The following KREMEN1 variants were observed in gnomAD, a reference collection of about 807,000 sequenced individuals.
KREMEN1 encodes the protein kremen protein 1.
KREMEN1 carries 30 observed loss-of-function variants against 46.5 expected under a neutral mutation model. That is an observed-to-expected ratio of 0.65 (90% confidence interval 0.48 to 0.88). The LOEUF (loss-of-function observed/expected upper bound fraction) is 0.88. Among genes scored for constraint, KREMEN1 ranks in the 40% least tolerant of loss-of-function variants. The pLI, the probability that KREMEN1 is intolerant of heterozygous loss-of-function variation, is 0.00. For missense variants in KREMEN1, 533 were observed against 596.9 expected (o/e 0.89, Z 1.11); for synonymous variants, 214 against 230.6 (o/e 0.93, Z 0.65).
intron 5 of KREMEN1, among the ~76,000 whole-genome samples, chr22:29,136,856 C>T (rs909686069): frequency 6.6e-6 from 1 of 152,200 alleles, no homozygotes; most frequent in Non-Finnish European, 1.5e-5. Context: ...TGGGGACACA[C>T]AAGCAGCTGT....
At position 29,143,752 on chromosome 22, in the gene KREMEN1, A is replaced by C. The variant is rs1385735697; in HGVS notation, c.*1640A>C. 1 of 985,484 alleles carries C rather than the reference A, an allele frequency of 1.0e-6. No homozygotes were observed. Among genetic ancestry groups the C allele is most frequent in the African/African-American group, 1.7e-5 (1 of 57,162 alleles). The allele number at this position is 985,484 out of a possible 1,614,324, so 61.0% of individuals were successfully genotyped here. On this transcript the variant is annotated 3_prime_UTR_variant, in exon 9 of 9. Coordinates refer to ENST00000400335, the MANE Select transcript of KREMEN1 (RefSeq NM_001039570.3). ...GCAAGACTCTGTCTCAAAAAAAAAA[A>C]AAACACTCCAAGGGCCATCCGTGCT...
intron 1 of KREMEN1, among the ~76,000 whole-genome samples, chr22:29,078,674 A>G (rs1289341944): frequency 6.6e-6 from 1 of 152,222 alleles, no homozygotes; most frequent in Non-Finnish European, 1.5e-5. Flanking sequence ...CAAACATACC[A>G]AGTTGATTGT....
intron 2 of KREMEN1, among the ~76,000 whole-genome samples, chr22:29,098,553 G>C (rs1315231596): frequency 6.6e-6 from 1 of 152,152 alleles, no homozygotes; most frequent in Non-Finnish European, 1.5e-5. Flanking sequence ...TCACATTCAA[G>C]GTGCCAGTGC....
Position 29,125,738 on chromosome 22 carries a change from A to G in KREMEN1, c.631+322A>G, listed in dbSNP as rs1262874496. ...ATAGACACTAATATAACAATCCAGT[A>G]TCAGCTTTATTATACTCTTGCTTTA... On this transcript the variant is annotated intron_variant, in intron 5 of 8. Transcript: ENST00000400335. Among the ~76,000 whole-genome samples the G allele has an allele frequency of 2.6e-5, 4 of 152,180 alleles. 1 individual carries two copies. The highest frequency in any genetic ancestry group is 4.4e-5 in the Non-Finnish European group (3 of 68,042).
At chr22:29,140,993 C>T (rs1158765428) in intron 8 of KREMEN1, among the ~76,000 whole-genome samples, 1 of 152,148 alleles carries the variant, frequency 6.6e-6, no homozygotes, top group Non-Finnish European at 1.5e-5. Flanking sequence ...TCTGTCTTTC[C>T]GGTGCTTTCT....
intron 3 of KREMEN1, among the ~76,000 whole-genome samples, chr22:29,117,463 A>T (rs2038260618): frequency 6.6e-6 from 1 of 151,912 alleles, no homozygotes; most frequent in African/African-American, 2.4e-5. Flanking sequence ...GCTACTTGGG[A>T]GGCTGAGGCA....
At position 29,142,207 on chromosome 22, in the gene KREMEN1, C is replaced by T; in HGVS notation, c.*95C>T. ...GGTTCTTCTCTGACAGACTCTTCCC[C>T]TCCTCTCCCTCTGCCTCGGCCTCTT... is the stretch of plus-strand genomic sequence containing the variant. On this transcript the variant is annotated 3_prime_UTR_variant, in exon 9 of 9. Coordinates refer to ENST00000400335, the MANE Select transcript of KREMEN1 (RefSeq NM_001039570.3). 7.0e-7 allele frequency: 1 copy of T among 1,429,708 alleles called. No homozygotes were observed. The highest frequency in any genetic ancestry group is 9.2e-7 in the Non-Finnish European group (1 of 1,092,836). The allele number at this position is 1,429,708 out of a possible 1,614,324, so 88.6% of individuals were successfully genotyped here.
rs2145859693 is a variant in KREMEN1, at chr22:29,144,872, A to G, written c.*2760A>G. ...TGTCACAGCCTGCAGCGGGGGCAGC[A>G]CTTCCTCGGAGGGCCTGGGAGGTGC... On this transcript the variant is annotated 3_prime_UTR_variant, in exon 9 of 9. Transcript: ENST00000400335. 3.0e-6 allele frequency: 3 copies of G among 985,506 alleles called. No individual in the cohort carries two copies. Among genetic ancestry groups the G allele is most frequent in the Non-Finnish European group, 3.6e-6 (3 of 830,002 alleles). 61.0% of individuals were successfully genotyped at this position (985,506 alleles called of 1,614,324 possible).
intron 1 of KREMEN1, among the ~76,000 whole-genome samples, chr22:29,077,770 A>T (rs1322887437): frequency 6.6e-6 from 1 of 152,166 alleles, no homozygotes; most frequent in African/African-American, 2.4e-5. Flanking sequence ...TCACTGGTCT[A>T]GAAAAGGTGA....
chr22:29,109,386 A>C (rs1175706319), intron 3 of KREMEN1, among the ~76,000 whole-genome samples: 1 of 152,228 alleles, frequency 6.6e-6, no homozygotes, highest in Non-Finnish European at 1.5e-5. Context: ...TCTGAGTTAT[A>C]AACCTAAGAG....
At position 29,145,923 on chromosome 22, in the gene KREMEN1, C is replaced by G; in HGVS notation, c.*3811C>G. On this transcript the variant is annotated 3_prime_UTR_variant, in exon 9 of 9. Transcript: ENST00000400335. Reference sequence around the variant, plus strand: ...CCACCCACATGCCCCACTGTCAGCCCAGGCAGGAGCCTTCCTGGCCGGGCT... The same window carrying G: ...CCACCCACATGCCCCACTGTCAGCCGAGGCAGGAGCCTTCCTGGCCGGGCT... The G allele has an allele frequency of 6.1e-6, 6 of 985,942 alleles. No homozygotes were observed. Among genetic ancestry groups the G allele is most frequent in the Non-Finnish European group, 7.2e-6 (6 of 830,010 alleles). 61.1% of individuals were successfully genotyped at this position (985,942 alleles called of 1,614,324 possible). A position where few individuals can be genotyped will look rare whatever the true frequency, so the allele number is the denominator to read the frequency against.
chr22:29,143,892 G>A lies in KREMEN1; in HGVS notation c.*1780G>A. On this transcript the variant is annotated 3_prime_UTR_variant, in exon 9 of 9. Coordinates refer to ENST00000400335, the MANE Select transcript of KREMEN1 (RefSeq NM_001039570.3). Reference sequence around the variant, plus strand: ...CCCTTAGATAGGGAGGTGGGCTGCAGAGATTGGTGCCAGAAGAGGGTGGGT... The same window carrying A: ...CCCTTAGATAGGGAGGTGGGCTGCAAAGATTGGTGCCAGAAGAGGGTGGGT... The A allele has an allele frequency of 1.0e-6, 1 of 985,564 alleles. No individual in the cohort carries two copies. Among genetic ancestry groups the A allele is most frequent in the Non-Finnish European group, 1.2e-6 (1 of 830,012 alleles). 61.1% of individuals were successfully genotyped at this position (985,564 alleles called of 1,614,324 possible).
chr22:29,101,385 A>G (rs2037974462), intron 3 of KREMEN1, among the ~76,000 whole-genome samples: 1 of 152,206 alleles, frequency 6.6e-6, no homozygotes, highest in Admixed American at 6.5e-5. Flanking sequence ...AAGTTTATAA[A>G]GTAAAAAAGT....
Position 29,087,163 on chromosome 22 carries a change from A to G in KREMEN1, c.98-7095A>G, listed in dbSNP as rs117173244. On this transcript the variant is annotated intron_variant, in intron 1 of 8. Transcript: ENST00000400335. ...AAGAACGAAGGATATTCTCATTGGA[A>G]TATGTTCTCTGCTGTCTTGCTTTAA... Among the ~76,000 whole-genome samples, 569 of 152,306 alleles carry G rather than the reference A, an allele frequency of 3.7e-3. 5 individuals carry two copies. The highest frequency in any genetic ancestry group is 6.3e-3 in the Non-Finnish European group (431 of 68,028).
At chr22:29,110,158 TCTG>T (rs1569321776) in intron 3 of KREMEN1, among the ~76,000 whole-genome samples, 2 of 152,242 alleles carry the variant, frequency 1.3e-5, no homozygotes, top group Non-Finnish European at 2.9e-5. Flanking sequence ...GAGTGGTTCT[TCTG>T]CTGCTGTCAC....
chr22:29,122,792 G>A (rs183508980), intron 4 of KREMEN1, among the ~76,000 whole-genome samples: 237 of 151,894 alleles, frequency 1.6e-3, no homozygotes, highest in African/African-American at 5.5e-3. Context: ...ACAAAAATTA[G>A]CCGGGCATGG....
At chr22:29,159,365 A>G (rs1290366942) in intron 9 of KREMEN1, among the ~76,000 whole-genome samples, 2 of 151,994 alleles carry the variant, frequency 1.3e-5, no homozygotes, top group Non-Finnish European at 2.9e-5. Flanking sequence ...TGATGCCTGT[A>G]ATCCCAGCTC....
chr22:29,135,174 C>A (rs1207367717), intron 5 of KREMEN1, among the ~76,000 whole-genome samples: 15 of 152,194 alleles, frequency 9.9e-5, no homozygotes, highest in Admixed American at 9.8e-4. Context: ...GCTGCAGTAT[C>A]CTGGACTCAA....
At chr22:29,107,584 T>C (rs1261166593) in intron 3 of KREMEN1, among the ~76,000 whole-genome samples, 3 of 152,048 alleles carry the variant, frequency 2.0e-5, no homozygotes, top group Admixed American at 2.0e-4. Context: ...CAAAGCAATA[T>C]TGAAATGAAC....
Sources: gnomAD v4.1 joint callset for allele counts (sites outside exome capture counted in the v4.1 genomes callset) on GRCh38, gnomAD v4.1.1 for gene constraint, MANE v1.5 for transcripts, NCBI Gene and HGNC (gene_info 2026-07-23, HGNC 2026-07-21) for gene names.